The following AUTS2 variants were observed in gnomAD, a reference collection of about 807,000 sequenced individuals.
The protein encoded by AUTS2 is autism susceptibility gene 2 protein.
Under a neutral mutation model 112.4 loss-of-function variants are expected in AUTS2, and 17 were observed. The ratio of observed to expected loss-of-function variants is 0.15; its 90% CI spans 0.10 to 0.23. The LOEUF (loss-of-function observed/expected upper bound fraction) is 0.23, where lower values mean the gene tolerates loss of function less well. Among genes scored for constraint, AUTS2 ranks in the 10% least tolerant of loss-of-function variants. The pLI is 1.00. For missense variants in AUTS2, 1,510 were observed against 1,701.6 expected (o/e 0.89, Z 1.98); for synonymous variants, 751 against 702.7 (o/e 1.07, Z -1.09).
intron 1 of AUTS2, among the ~76,000 whole-genome samples, chr7:69,754,254 T>C (rs1787858916): frequency 6.6e-6 from 1 of 152,120 alleles, no homozygotes; most frequent in Admixed American, 6.5e-5. Flanking sequence ...GGACAACATA[T>C]GTTACATACA....
At chr7:70,625,373 T>A (rs1804884223) in intron 5 of AUTS2, among the ~76,000 whole-genome samples, 1 of 152,228 alleles carries the variant, frequency 6.6e-6, no homozygotes, top group Non-Finnish European at 1.5e-5. Context: ...TTGAAGTTGC[T>A]GTTTCCTCCA....
chr7:70,441,987 C>T lies in AUTS2; in HGVS notation c.690+6206C>T, dbSNP rs1254893720. 3.9e-5 allele frequency among the ~76,000 whole-genome samples: 6 copies of T among 152,252 alleles called. No individual in the cohort carries two copies. The East Asian group carries it at 1.2e-3, about 29-fold the overall frequency. ...ACATTCCAGAAGCTCAGAAGGCCCT[C>T]ATTGTTGCTTGTGGAACCCCCAGCC... On this transcript the variant is annotated intron_variant, in intron 5 of 18. Transcript: ENST00000342771.
chr7:70,299,016 G>A (rs1165821389), intron 4 of AUTS2, among the ~76,000 whole-genome samples: 1 of 152,156 alleles, frequency 6.6e-6, no homozygotes, highest in Non-Finnish European at 1.5e-5. Flanking sequence ...AGGCAATTAA[G>A]CAATTCTTAG....
At chr7:70,032,148 A>T (rs1800810469) in intron 2 of AUTS2, among the ~76,000 whole-genome samples, 2 of 152,118 alleles carry the variant, frequency 1.3e-5, no homozygotes, top group South Asian at 4.1e-4. Context: ...TTAAATTATG[A>T]TCCAGGTCCT....
chr7:70,661,677 C>T lies in AUTS2; in HGVS notation c.691-36892C>T, dbSNP rs143401757. ...AGAACAAATCTGTAGATCTGTAGAT[C>T]GATGCTGGTGTAGAGCAGTTAGAAC... On this transcript the variant is annotated intron_variant, in intron 5 of 18. Coordinates refer to ENST00000342771, the MANE Select transcript of AUTS2 (RefSeq NM_015570.4). 3.4e-3 allele frequency among the ~76,000 whole-genome samples: 519 copies of T among 151,938 alleles called. 6 individuals carry two copies. Among genetic ancestry groups the T allele is most frequent in the African/African-American group, 0.012 (490 of 41,428 alleles).
chr7:70,179,825 G>A (rs1164334453), intron 4 of AUTS2, among the ~76,000 whole-genome samples: 1 of 152,166 alleles, frequency 6.6e-6, no homozygotes, highest in African/African-American at 2.4e-5. Flanking sequence ...TGTACATGAA[G>A]GGGATTATTT....
At chr7:70,659,214 T>G (rs1806936853) in intron 5 of AUTS2, among the ~76,000 whole-genome samples, 1 of 152,200 alleles carries the variant, frequency 6.6e-6, no homozygotes, top group South Asian at 2.1e-4. Flanking sequence ...GACCTCTGAA[T>G]TCCCGCGGCC....
intron 11 of AUTS2, among the ~76,000 whole-genome samples, chr7:70,772,101 A>G (rs1046774771): frequency 6.6e-6 from 1 of 152,098 alleles, no homozygotes; most frequent in Non-Finnish European, 1.5e-5. Flanking sequence ...ATGAATTCTC[A>G]TTCTCCCTCA....
At chr7:69,779,468 A>AAT (rs1789049088) in intron 1 of AUTS2, among the ~76,000 whole-genome samples, 1 of 152,112 alleles carries the variant, frequency 6.6e-6, no homozygotes, top group Admixed American at 6.5e-5. Context: ...TAACTTAAAA[A>AAT]ATATATAGAT....
At chr7:70,156,027 G>A (rs1379553801) in intron 4 of AUTS2, among the ~76,000 whole-genome samples, 2 of 152,058 alleles carry the variant, frequency 1.3e-5, no homozygotes, top group Non-Finnish European at 2.9e-5. Context: ...CTGACACGTG[G>A]GTAGTGCTGA....
At chr7:69,761,816 C>A (rs1303596510) in intron 1 of AUTS2, among the ~76,000 whole-genome samples, 1 of 152,162 alleles carries the variant, frequency 6.6e-6, no homozygotes, top group South Asian at 2.1e-4. Flanking sequence ...AGGATTACTT[C>A]GACTCTTGTC....
At chr7:70,430,215 G>GT (rs1795597318) in intron 4 of AUTS2, among the ~76,000 whole-genome samples, 1 of 152,172 alleles carries the variant, frequency 6.6e-6, no homozygotes, top group Non-Finnish European at 1.5e-5. Flanking sequence ...ACGCAGTTGA[G>GT]TGATTGCTTG....
At chr7:69,649,905 GT>G (rs1795216626) in intron 1 of AUTS2, among the ~76,000 whole-genome samples, 1 of 152,146 alleles carries the variant, frequency 6.6e-6, no homozygotes, top group South Asian at 2.1e-4. Flanking sequence ...AAAGAGAACA[GT>G]GCCTTCTAAG....
intron 2 of AUTS2, among the ~76,000 whole-genome samples, chr7:70,081,761 G>A (rs1803328132): frequency 6.6e-6 from 1 of 152,138 alleles, no homozygotes; most frequent in African/African-American, 2.4e-5. Context: ...AAATGTATTT[G>A]CAGAAGTTTA....
intron 2 of AUTS2, among the ~76,000 whole-genome samples, chr7:70,106,278 G>A (rs142786283): frequency 6.6e-6 from 1 of 152,202 alleles, no homozygotes; most frequent in Non-Finnish European, 1.5e-5. Flanking sequence ...ACAATGTAGG[G>A]TGTGGGGTCG....
At chr7:70,496,200 G>A (rs1458371677) in intron 5 of AUTS2, among the ~76,000 whole-genome samples, 6 of 89,096 alleles carry the variant, frequency 6.7e-5, no homozygotes, top group Admixed American at 1.4e-4. Flanking sequence ...ACATGCACAC[G>A]TCACATCAGC....
chr7:70,372,435 C>T (rs1017523174), intron 4 of AUTS2, among the ~76,000 whole-genome samples: 1 of 152,092 alleles, frequency 6.6e-6, no homozygotes, highest in African/African-American at 2.4e-5. Context: ...ACAAACTAGG[C>T]ACTGGTTGTA....
rs757432625 is a variant in AUTS2 at position 70,763,122 on chromosome 7, C to A, written c.995C>A (p.Pro332His). 3 of 1,614,036 alleles carry A rather than the reference C, an allele frequency of 1.9e-6. No individual in the cohort carries two copies. In the South Asian group the frequency reaches 3.3e-5, roughly 18 times the overall value. The change falls in exon 7 of 19, where the codon CCT (proline) becomes CAT (histidine). Residue 332 changes from proline (P) to histidine (H), a missense_variant. Pro to His is a moderately conservative substitution (Grantham distance 77). Around this residue, in one of 3 missense-constraint regions of AUTS2, gnomAD observed 535 missense variants for 594.3 expected, o/e 0.90. Coordinates refer to ENST00000342771, the MANE Select transcript of AUTS2 (RefSeq NM_015570.4). ...PDLVQRTEAPPQPPPLSTQPP... is the reference protein window; with the variant it reads ...PDLVQRTEAPHQPPPLSTQPP... ...TTGGTGCAGCGCACAGAGGCCCCAC[C>A]TCAACCCCCACCTCTGAGTACACAG...
At chr7:70,195,521 T>C (rs1810127017) in intron 4 of AUTS2, among the ~76,000 whole-genome samples, 1 of 152,026 alleles carries the variant, frequency 6.6e-6, no homozygotes, top group African/African-American at 2.4e-5. Flanking sequence ...CACTGTGCTG[T>C]GTATCAGTAG....
Sources: allele counts gnomAD v4.1 joint callset (sites outside exome capture counted in the v4.1 genomes callset), GRCh38; gene constraint gnomAD v4.1.1; regional missense constraint gnomAD v4.1.1; transcripts MANE v1.5; gene names NCBI Gene and HGNC (gene_info 2026-07-23, HGNC 2026-07-21).